The following KHDRBS2 variants were observed in gnomAD, a reference collection of about 807,000 sequenced individuals.
The protein encoded by KHDRBS2 is KH domain-containing, RNA-binding, signal transduction-associated protein 2.
KHDRBS2 carries 26 observed loss-of-function variants against 44.3 expected under a neutral mutation model. The observed-to-expected ratio is 0.59, with a 90% CI of 0.43 to 0.81. KHDRBS2 has a LOEUF of 0.81. Ranked by LOEUF, KHDRBS2 falls within the 40% of genes least tolerant of loss-of-function variation. The pLI, the probability that KHDRBS2 is intolerant of heterozygous loss-of-function variation, is 0.00. For synonymous variants in KHDRBS2, 194 were observed against 151.1 expected (o/e 1.28, Z -2.08); for missense variants, 476 against 433.1 (o/e 1.10, Z -0.88).
chr6:62,133,925 G>A (rs923071448), intron 2 of KHDRBS2, among the ~76,000 whole-genome samples: 3 of 152,170 alleles, frequency 2.0e-5, no homozygotes, highest in Admixed American at 6.5e-5. Flanking sequence ...TTCAAGAGGT[G>A]ACTTGGGCGC....
chr6:62,105,743 A>G (rs1249729324), intron 2 of KHDRBS2, among the ~76,000 whole-genome samples: 1 of 151,842 alleles, frequency 6.6e-6, no homozygotes, highest in African/African-American at 2.4e-5. Context: ...TGGATTCATT[A>G]ATTTTTTGAA....
intron 2 of KHDRBS2, among the ~76,000 whole-genome samples, chr6:62,102,633 G>A (rs1046248695): frequency 2.6e-5 from 4 of 152,144 alleles, no homozygotes; most frequent in Non-Finnish European, 5.9e-5. Context: ...CTCCTGGGCT[G>A]GCCTGGCCCT....
chr6:62,044,326 A>G (rs907893290), intron 3 of KHDRBS2, among the ~76,000 whole-genome samples: 59 of 151,838 alleles, frequency 3.9e-4, no homozygotes, highest in African/African-American at 1.3e-3. Flanking sequence ...AAATTTTAAA[A>G]TTAACCAGGT....
intron 4 of KHDRBS2, among the ~76,000 whole-genome samples, chr6:61,917,632 A>C (rs1807264727): frequency 6.6e-6 from 1 of 151,880 alleles, no homozygotes; most frequent in Non-Finnish European, 1.5e-5. Context: ...AATGTAAACT[A>C]TGAACTTTGA....
At chr6:61,866,990 A>G (rs1173282674) in intron 6 of KHDRBS2, among the ~76,000 whole-genome samples, 3 of 152,046 alleles carry the variant, frequency 2.0e-5, no homozygotes, top group South Asian at 4.1e-4. Flanking sequence ...ACATTTTCCT[A>G]TCTTCTTCTG....
intron 1 of KHDRBS2, among the ~76,000 whole-genome samples, chr6:62,279,873 G>T (rs1254830574): frequency 6.6e-6 from 1 of 152,148 alleles, no homozygotes; most frequent in Admixed American, 6.5e-5. Flanking sequence ...CAAATCTGAT[G>T]GAGAAAAGCC....
chr6:62,166,602 A>G (rs1818740356), intron 2 of KHDRBS2, among the ~76,000 whole-genome samples: 1 of 152,092 alleles, frequency 6.6e-6, no homozygotes, highest in Non-Finnish European at 1.5e-5. Flanking sequence ...CTGGGTAAAA[A>G]GCATTAATTT....
At chr6:61,608,321 T>C in the KHDRBS2 span, among the ~76,000 whole-genome samples, 1 of 64,510 alleles carries the variant, frequency 1.6e-5, no homozygotes, top group Non-Finnish European at 3.6e-5. Flanking sequence ...TATGTGTGTA[T>C]ATATATACAT....
At chr6:61,779,105 C>T (rs1782540617) in intron 6 of KHDRBS2, among the ~76,000 whole-genome samples, 1 of 152,122 alleles carries the variant, frequency 6.6e-6, no homozygotes, top group Admixed American at 6.5e-5. Flanking sequence ...ACCAAATATC[C>T]TCCCATCATG....
chr6:62,166,602 A>C (rs1818740356), intron 2 of KHDRBS2, among the ~76,000 whole-genome samples: 1 of 152,092 alleles, frequency 6.6e-6, no homozygotes, highest in Non-Finnish European at 1.5e-5. Context: ...CTGGGTAAAA[A>C]GCATTAATTT....
chr6:62,225,248 C>G (rs1176660665), intron 1 of KHDRBS2, among the ~76,000 whole-genome samples: 1 of 152,124 alleles, frequency 6.6e-6, no homozygotes, highest in Non-Finnish European at 1.5e-5. Context: ...TCCCACTGAT[C>G]TTTGTGTGAC....
At chr6:62,025,422 A>T (rs12214491) in intron 3 of KHDRBS2, among the ~76,000 whole-genome samples, 12 of 151,806 alleles carry the variant, frequency 7.9e-5, no homozygotes, top group South Asian at 2.1e-4. Context: ...TTATTTTTTT[A>T]AATTAGAATA....
chr6:62,040,658 C>CT (rs1786280380), intron 3 of KHDRBS2, among the ~76,000 whole-genome samples: 2 of 152,090 alleles, frequency 1.3e-5, no homozygotes, highest in African/African-American at 4.8e-5. Context: ...CCACTGGCAC[C>CT]TATACATGGC....
the KHDRBS2 span, among the ~76,000 whole-genome samples, chr6:61,555,771 G>GAA: frequency 2.0e-5 from 3 of 152,036 alleles, no homozygotes; most frequent in Non-Finnish European, 4.4e-5. Flanking sequence ...ACTTCTGGTA[G>GAA]ATTGTTTTTT....
At chr6:62,127,861 C>T (rs371809542) in intron 2 of KHDRBS2, among the ~76,000 whole-genome samples, 10 of 152,196 alleles carry the variant, frequency 6.6e-5, no homozygotes, top group African/African-American at 1.2e-4. Context: ...TTGATCAATT[C>T]GTTGATCATC....
chr6:61,902,075 C>T (rs974661162), intron 4 of KHDRBS2, among the ~76,000 whole-genome samples: 4 of 152,122 alleles, frequency 2.6e-5, no homozygotes, highest in Non-Finnish European at 4.4e-5. Context: ...CCTATCTCAG[C>T]CTCTGGAGTA....
chr6:61,975,512 T>A (rs1274734543), intron 4 of KHDRBS2, among the ~76,000 whole-genome samples: 4 of 152,166 alleles, frequency 2.6e-5, no homozygotes, highest in African/African-American at 9.7e-5. Context: ...TTCTTTGCTT[T>A]CTGCTGATGC....
intron 4 of KHDRBS2, among the ~76,000 whole-genome samples, chr6:61,939,902 G>A (rs540650487): frequency 2.2e-4 from 34 of 152,266 alleles, no homozygotes; most frequent in Non-Finnish European, 4.1e-4. Flanking sequence ...ATACACATTA[G>A]AGCAGAATGT....
rs56372678 is a variant in KHDRBS2 at position 61,947,913 on chromosome 6, A to AAATAATAATAAT, written c.483+30141_483+30152dup. Reference sequence around the variant, plus strand: ...ATGACAAAACCCCCACACACACACAAAATAATAATAATAATAATAATAATA... The same window carrying AAATAATAATAAT: ...ATGACAAAACCCCCACACACACACAAAATAATAATAATAATAATAATAATAATAATAATAATA... On this transcript the variant is annotated intron_variant, in intron 4 of 8. Transcript: ENST00000281156. Among the ~76,000 whole-genome samples, 113 of 143,246 alleles carry AAATAATAATAAT rather than the reference A, an allele frequency of 7.9e-4. 1 individual carries two copies. Among genetic ancestry groups the AAATAATAATAAT allele is most frequent in the Admixed American group, 1.9e-3 (27 of 14,046 alleles). 94.0% of individuals were successfully genotyped at this position (143,246 alleles called of 152,430 possible). A position where few individuals can be genotyped will look rare whatever the true frequency, so the allele number is the denominator to read the frequency against.
Sources: gnomAD v4.1 joint callset for allele counts (sites outside exome capture counted in the v4.1 genomes callset) on GRCh38, gnomAD v4.1.1 for gene constraint, MANE v1.5 for transcripts, NCBI Gene and HGNC (gene_info 2026-07-23, HGNC 2026-07-21) for gene names.